FOXP2: variants seen among roughly 807,000 people sequenced by gnomAD.
The protein encoded by FOXP2 is forkhead box P2, also known as forkhead box protein P2.
A neutral mutation model predicts 115.8 loss-of-function variants in FOXP2; 12 were observed. That is an observed-to-expected ratio of 0.10 (90% CI 0.07 to 0.17). The LOEUF (loss-of-function observed/expected upper bound fraction) is 0.17, where lower values mean the gene tolerates loss of function less well. Among genes scored for constraint, FOXP2 ranks in the 10% least tolerant of loss-of-function variants. The pLI is 1.00. For missense variants in FOXP2, 629 were observed against 843.5 expected (o/e 0.75, Z 3.15); for synonymous variants, 328 against 297.7 (o/e 1.10, Z -1.05).
At chr7:114,532,464 A>T (rs1799186556) in intron 2 of FOXP2, among the ~76,000 whole-genome samples, 1 of 151,928 alleles carries the variant, frequency 6.6e-6, no homozygotes, top group South Asian at 2.1e-4. Context: ...GAACAGAAAC[A>T]GTATGGCACA....
rs184460722 is a variant in FOXP2, at chr7:114,131,069, C to G, written c.-246-31875C>G. On this transcript the variant is annotated intron_variant, in intron 1 of 19. Transcript: ENST00000635638. ...GTGATCAACAGTTTACGTATTTTTTCTCTTGTAAGAATGGAATTTGTGTTG... is the reference window on the plus strand; with the variant it reads ...GTGATCAACAGTTTACGTATTTTTTGTCTTGTAAGAATGGAATTTGTGTTG... Among the ~76,000 whole-genome samples the G allele has an allele frequency of 7.2e-5, 11 of 152,248 alleles. No individual in the cohort carries two copies. In the East Asian group the frequency reaches 9.6e-4, roughly 13 times the overall value.
intron 1 of FOXP2, among the ~76,000 whole-genome samples, chr7:114,096,307 A>G (rs1799651179): frequency 6.6e-6 from 1 of 152,228 alleles, no homozygotes; most frequent in Non-Finnish European, 1.5e-5. Flanking sequence ...ACTAAAAATG[A>G]AATTAACTCA....
At chr7:114,561,715 A>C (rs1337777408) in intron 3 of FOXP2, among the ~76,000 whole-genome samples, 1 of 152,212 alleles carries the variant, frequency 6.6e-6, no homozygotes, top group South Asian at 2.1e-4. Context: ...AATTATAAAC[A>C]TTCATGAATC....
chr7:114,291,350 CTCCTAGTACCA>C (rs55806439), intron 2 of FOXP2, among the ~76,000 whole-genome samples: 84,367 of 151,630 alleles, frequency 0.56, 26,399 homozygotes, highest in Admixed American at 0.74. Flanking sequence ...AAGGTTCTAC[CTCCTAGTACCA>C]TCACATTGCG....
chr7:114,491,870 C>G (rs146560209), intron 2 of FOXP2, among the ~76,000 whole-genome samples: 1 of 152,078 alleles, frequency 6.6e-6, no homozygotes, highest in Non-Finnish European at 1.5e-5. Context: ...GTCTAAAAGT[C>G]TCTTTTTTTG....
intron 1 of FOXP2, among the ~76,000 whole-genome samples, chr7:114,117,336 C>T (rs904983063): frequency 6.6e-6 from 1 of 151,660 alleles, no homozygotes; most frequent in African/African-American, 2.4e-5. Context: ...ATTCTCATGC[C>T]CTAGCCTCCC....
At chr7:114,184,594 G>A (rs1793545033) in intron 1 of FOXP2, among the ~76,000 whole-genome samples, 1 of 152,054 alleles carries the variant, frequency 6.6e-6, no homozygotes, top group African/African-American at 2.4e-5. Context: ...GGTAGCTCAG[G>A]GTGAGGTTCG....
intron 2 of FOXP2, among the ~76,000 whole-genome samples, chr7:114,435,293 G>A (rs1794291672): frequency 6.6e-6 from 1 of 152,122 alleles, no homozygotes; most frequent in Non-Finnish European, 1.5e-5. Flanking sequence ...TTTAGGAAGG[G>A]CATTTTAATT....
intron 3 of FOXP2, among the ~76,000 whole-genome samples, chr7:114,614,117 C>T (rs1042597190): frequency 3.9e-5 from 6 of 152,240 alleles, no homozygotes; most frequent in East Asian, 1.9e-4. Flanking sequence ...TCAAAGAATA[C>T]GTTCCGTTTT....
intron 2 of FOXP2, among the ~76,000 whole-genome samples, chr7:114,328,087 A>AT (rs1015376969): frequency 2.2e-4 from 32 of 147,370 alleles, no homozygotes; most frequent in African/African-American, 5.7e-4. Flanking sequence ...TATTTGGCTA[A>AT]TTTTTTTTTT....
intron 2 of FOXP2, among the ~76,000 whole-genome samples, chr7:114,383,192 T>C (rs1792352103): frequency 6.6e-6 from 1 of 152,228 alleles, no homozygotes; most frequent in East Asian, 1.9e-4. Flanking sequence ...AGGATTGTCC[T>C]AACCCTTGTA....
intron 1 of FOXP2, among the ~76,000 whole-genome samples, chr7:114,238,782 C>CA (rs1366706845): frequency 1.3e-5 from 2 of 151,068 alleles, no homozygotes; most frequent in Admixed American, 6.6e-5. Flanking sequence ...GGAAAAAAAC[C>CA]AAAAAAACAA....
At chr7:114,440,117 T>A (rs1165338957) in intron 2 of FOXP2, among the ~76,000 whole-genome samples, 2 of 152,174 alleles carry the variant, frequency 1.3e-5, no homozygotes, top group Non-Finnish European at 2.9e-5. Flanking sequence ...TAGGCAGCTC[T>A]TATTATGATC....
intron 16 of FOXP2, chr7:114,666,787 G>C (rs905439263): frequency 5.3e-5 from 8 of 152,092 alleles, no homozygotes; most frequent in South Asian, 4.2e-4. Context: ...AAGTGGGATT[G>C]AGCACGTTAC....
At chr7:114,676,744 A>G (rs1314525922) in intron 16 of FOXP2, among the ~76,000 whole-genome samples, 2 of 152,238 alleles carry the variant, frequency 1.3e-5, no homozygotes, top group East Asian at 3.8e-4. Flanking sequence ...TCAAATAACT[A>G]GAATTATAAT....
At position 114,336,792 on chromosome 7, in the gene FOXP2, G is replaced by A. The variant is rs80248270; in HGVS notation, c.-11+48683G>A. Among the ~76,000 whole-genome samples the A allele has an allele frequency of 6.4e-3, 974 of 151,430 alleles. 9 individuals are homozygous for A. Among genetic ancestry groups the A allele is most frequent in the African/African-American group, 0.023 (942 of 41,460 alleles). The stretch of plus-strand genomic sequence containing the variant: ...AATCTGTTCATTTGTCTTAGAAGAG[G>A]GGAGAAAAAAACCCAGAATACTGAA... On this transcript the variant is annotated intron_variant, in intron 2 of 17. Coordinates refer to the FOXP2 transcript ENST00000634411.
chr7:114,328,638 A>G lies in FOXP2; in HGVS notation c.-11+40529A>G, dbSNP rs562670081. On this transcript the variant is annotated intron_variant, in intron 2 of 17. Transcript: ENST00000634411. ...ATTTAAGACACTTCAACTAATTAGA[A>G]TAAAGCTATGGACTCAGAAGTAAGC... Among the ~76,000 whole-genome samples the G allele has an allele frequency of 2.8e-4, 43 of 152,358 alleles. No individual in the cohort carries two copies. The South Asian group carries it at 8.5e-3, about 30-fold the overall frequency.
intron 1 of FOXP2, among the ~76,000 whole-genome samples, chr7:114,171,431 G>A (rs944573096): frequency 2.6e-5 from 4 of 152,146 alleles, no homozygotes; most frequent in African/African-American, 7.2e-5. Context: ...AAATTAGCTG[G>A]GCATGGTGTC....
chr7:114,237,850 C>T (rs780626221), intron 1 of FOXP2, among the ~76,000 whole-genome samples: 18 of 152,066 alleles, frequency 1.2e-4, no homozygotes, highest in Non-Finnish European at 2.1e-4. Context: ...TGGTGGGTGC[C>T]TGTGGTGCAA....
Sources: allele counts gnomAD v4.1 joint callset (sites outside exome capture counted in the v4.1 genomes callset), GRCh38; gene constraint gnomAD v4.1.1; transcripts MANE v1.5; gene names NCBI Gene and HGNC (gene_info 2026-07-23, HGNC 2026-07-21).